The following PCDH15 variants were observed in gnomAD, a reference collection of about 807,000 sequenced individuals.
The protein encoded by PCDH15 is protocadherin related 15.
In PCDH15, 129 loss-of-function variants were observed where a neutral mutation model predicts 178.5. The observed-to-expected ratio is 0.72, with a 90% confidence interval of 0.63 to 0.84. The LOEUF (loss-of-function observed/expected upper bound fraction) is 0.84, where lower values mean the gene tolerates loss of function less well. PCDH15 is among the 40% of genes least tolerant of loss of function. The probability of loss-of-function intolerance (pLI) is 0.00; values close to 1 mark genes in which losing one functional copy is unlikely to be tolerated. For synonymous variants in PCDH15, 800 were observed against 732.0 expected, an observed-to-expected ratio of 1.09 and a Z score of -1.50; for missense variants, 2,230 against 2,099.9, an observed-to-expected ratio of 1.06 and a Z score of -1.21.
intron 3 of PCDH15, among the ~76,000 whole-genome samples, chr10:54,462,479 T>C (rs1394050474): frequency 7.3e-6 from 1 of 136,456 alleles, no homozygotes; most frequent in East Asian, 2.0e-4. Context: ...TTTCTTTCTT[T>C]CTTTTCTTTT....
intron 1 of PCDH15, among the ~76,000 whole-genome samples, chr10:54,777,016 C>T (rs768162679): frequency 4.6e-5 from 7 of 151,956 alleles, no homozygotes; most frequent in African/African-American, 7.3e-5. Context: ...AATGTGAATC[C>T]TCTTCTCATT....
rs55696020 is a variant in PCDH15, at chr10:54,105,277, G to GATATATATAT, written c.1918-15224_1918-15215dup. On this transcript the variant is annotated intron_variant, in intron 15 of 37. Coordinates refer to ENST00000644397, the MANE Select transcript of PCDH15 (RefSeq NM_001384140.1). The stretch of plus-strand genomic sequence containing the variant: ...ATATAGATATAGACATATAGATGGA[G>GATATATATAT]ATATATATATATATATATATATATA... Among the ~76,000 whole-genome samples, 7 of 90,472 alleles carry GATATATATAT rather than the reference G, an allele frequency of 7.7e-5. No individual in the cohort carries two copies. The East Asian group carries it at 9.2e-4, about 12-fold the overall frequency. 59.4% of individuals were successfully genotyped at this position (90,472 alleles called of 152,430 possible). A position where few individuals can be genotyped will look rare whatever the true frequency, so the allele number is the denominator to read the frequency against.
chr10:54,297,789 T>C (rs1265530932), intron 8 of PCDH15, among the ~76,000 whole-genome samples: 1 of 152,178 alleles, frequency 6.6e-6, no homozygotes, highest in Non-Finnish European at 1.5e-5. Context: ...CTGATAGGTA[T>C]ATAGGTGTCC....
chr10:55,584,901 C>A (rs1371565679), intron 2 of PCDH15, among the ~76,000 whole-genome samples: 1 of 150,946 alleles, frequency 6.6e-6, no homozygotes, highest in Non-Finnish European at 1.5e-5. Flanking sequence ...AAATCATAGG[C>A]ACTTGAAAGT....
intron 30 of PCDH15, chr10:53,831,023 T>C (rs548092737): frequency 3.5e-6 from 2 of 569,902 alleles, no homozygotes; most frequent in Non-Finnish European, 6.5e-6. Context: ...CCAAGTTGGC[T>C]CTTAAACAAA....
At chr10:54,022,613 A>C (rs1203299535) in intron 19 of PCDH15, among the ~76,000 whole-genome samples, 1 of 152,152 alleles carries the variant, frequency 6.6e-6, no homozygotes, top group Non-Finnish European at 1.5e-5. Context: ...AATAAACAGA[A>C]TATTACTTTT....
chr10:54,198,279 A>C (rs4278430), intron 10 of PCDH15, among the ~76,000 whole-genome samples: 103,476 of 151,698 alleles, frequency 0.68, 36,713 homozygotes, highest in East Asian at 0.89. Flanking sequence ...GACCAGGGCA[A>C]GAGGTAGAGT....
chr10:53,969,495 G>A (rs570932768), intron 21 of PCDH15, among the ~76,000 whole-genome samples: 161 of 152,186 alleles, frequency 1.1e-3, no homozygotes, highest in African/African-American at 3.6e-3. Context: ...TCAAATTCAG[G>A]AAATACAGAG....
At chr10:54,725,168 C>G (rs541350930) in intron 1 of PCDH15, among the ~76,000 whole-genome samples, 1 of 151,054 alleles carries the variant, frequency 6.6e-6, no homozygotes, top group Non-Finnish European at 1.5e-5. Context: ...TAAATTACAC[C>G]AATAATGGAT....
intron 1 of PCDH15, among the ~76,000 whole-genome samples, chr10:54,784,009 C>T (rs760071319): frequency 5.4e-5 from 8 of 146,948 alleles, no homozygotes; most frequent in Admixed American, 2.8e-4. Flanking sequence ...CTTTTTCACA[C>T]GGCGGCAGGA....
intron 1 of PCDH15, among the ~76,000 whole-genome samples, chr10:55,246,846 T>C (rs1262427437): frequency 2.0e-5 from 3 of 152,190 alleles, no homozygotes; most frequent in African/African-American, 4.8e-5. Flanking sequence ...AATTATATTT[T>C]CCTTGTTATA....
chr10:54,324,863 C>T (rs1465513521), intron 7 of PCDH15, among the ~76,000 whole-genome samples: 1 of 151,880 alleles, frequency 6.6e-6, no homozygotes, highest in Non-Finnish European at 1.5e-5. Context: ...ATATTTCACT[C>T]AGGATAACAA....
chr10:54,456,524 A>C (rs2076832851), intron 3 of PCDH15, among the ~76,000 whole-genome samples: 1 of 152,302 alleles, frequency 6.6e-6, no homozygotes, highest in Non-Finnish European at 1.5e-5. Flanking sequence ...TTTTGATTTC[A>C]CACGTTTGTA....
chr10:54,124,833 C>T lies in PCDH15; in HGVS notation c.1917+8042G>A, dbSNP rs147228031. ...GTAAAAACCCTGAAATTTCTAGAACCTTTCAAAGATATCAGAAAAACAAAT... is the reference window on the plus strand; with the variant it reads ...GTAAAAACCCTGAAATTTCTAGAACTTTTCAAAGATATCAGAAAAACAAAT... On this transcript the variant is annotated intron_variant, in intron 15 of 37. Coordinates refer to ENST00000644397, the MANE Select transcript of PCDH15 (RefSeq NM_001384140.1). Among the ~76,000 whole-genome samples, 1,065 of 152,172 alleles carry T rather than the reference C, an allele frequency of 7.0e-3. 9 individuals are homozygous for T. Among genetic ancestry groups the T allele is most frequent in the African/African-American group, 0.024 (986 of 41,510 alleles).
chr10:55,156,861 A>C (rs1838904436), intron 2 of PCDH15, among the ~76,000 whole-genome samples: 1 of 152,126 alleles, frequency 6.6e-6, no homozygotes. Flanking sequence ...TTATGCATAT[A>C]AATTTGAAAG....
intron 3 of PCDH15, among the ~76,000 whole-genome samples, chr10:54,825,244 G>A (rs1953108124): frequency 6.6e-6 from 1 of 151,730 alleles, no homozygotes; most frequent in South Asian, 2.1e-4. Context: ...TGGTGTATAT[G>A]TGCCACAGTT....
intron 29 of PCDH15, among the ~76,000 whole-genome samples, chr10:53,837,031 G>A (rs1374734947): frequency 6.6e-6 from 1 of 151,550 alleles, no homozygotes; most frequent in East Asian, 1.9e-4. Context: ...AGATGAATCA[G>A]TGAATTCAAA....
rs372028450 is a variant in PCDH15 at position 54,174,369 on chromosome 10, A to C, written c.1590+9075T>G. ...AACACGGTGAAACCCCGTCTCTAAT[A>C]AAAATACAAAAAAAAAATTGCCGGG... On this transcript the variant is annotated intron_variant, in intron 13 of 37. Coordinates refer to ENST00000644397, the MANE Select transcript of PCDH15 (RefSeq NM_001384140.1). 1.9e-4 allele frequency among the ~76,000 whole-genome samples: 29 copies of C among 151,646 alleles called. No homozygotes were observed. In the East Asian group the frequency reaches 5.5e-3, roughly 29 times the overall value.
At chr10:54,282,398 G>A (rs765187823) in intron 8 of PCDH15, among the ~76,000 whole-genome samples, 7 of 152,002 alleles carry the variant, frequency 4.6e-5, no homozygotes, top group Admixed American at 4.6e-4. Context: ...AGAGTGTTAG[G>A]ACTTTACAAC....
Sources: gnomAD v4.1 joint callset for allele counts (sites outside exome capture counted in the v4.1 genomes callset) on GRCh38, gnomAD v4.1.1 for gene constraint, MANE v1.5 for transcripts, NCBI Gene and HGNC (gene_info 2026-07-23, HGNC 2026-07-21) for gene names.